The following GNB5 variants were observed in gnomAD, a reference collection of about 807,000 sequenced individuals.
The protein encoded by GNB5 is guanine nucleotide-binding protein subunit beta-5.
A neutral mutation model predicts 55.3 loss-of-function variants in GNB5; 37 were observed. The ratio of observed to expected loss-of-function variants is 0.67; its 90% confidence interval spans 0.51 to 0.88. The LOEUF is 0.88. GNB5 is among the 40% of genes least tolerant of loss of function. GNB5 has a pLI of 0.00. For synonymous variants in GNB5, 219 were observed against 198.5 expected (o/e 1.10, Z -0.87); for missense variants, 476 against 515.3 (o/e 0.92, Z 0.74).
chr15:52,164,962 T>C (rs186789008), intron 3 of GNB5, among the ~76,000 whole-genome samples: 32 of 152,270 alleles, frequency 2.1e-4, no homozygotes, highest in Admixed American at 4.6e-4. Flanking sequence ...CTAAGAATCA[T>C]GATAAAACAT....
chr15:52,124,358 G>C lies in GNB5; in HGVS notation c.1176+115C>G. 12 of 778,180 alleles carry C rather than the reference G, an allele frequency of 1.5e-5. No individual in the cohort carries two copies. The South Asian group carries it at 1.9e-4, about 13-fold the overall frequency. 48.2% of individuals were successfully genotyped at this position (778,180 alleles called of 1,614,324 possible). ...GGCAGAGTGGAAATGAGAGCTCGGC[G>C]AGGCTGACCAGGCCCACCTGAGCTT... is the stretch of plus-strand genomic sequence containing the variant. On this transcript the variant is annotated intron_variant, in intron 12 of 12. Transcript: ENST00000261837.
chr15:52,138,040 A>G (rs1304617404), intron 7 of GNB5: 1 of 959,136 alleles, frequency 1.0e-6, no homozygotes, highest in South Asian at 1.3e-5. Context: ...TGCTGATGGG[A>G]TCTCTCCTCC....
At chr15:52,182,321 ATCACC>A (rs2034783402) in intron 2 of GNB5, among the ~76,000 whole-genome samples, 1 of 152,138 alleles carries the variant, frequency 6.6e-6, no homozygotes, top group South Asian at 2.1e-4. Context: ...GCCTCATCTC[ATCACC>A]TCCTTAGGCT....
intron 10 of GNB5, among the ~76,000 whole-genome samples, chr15:52,126,391 G>A (rs548795424): frequency 2.6e-5 from 4 of 152,260 alleles, no homozygotes; most frequent in Non-Finnish European, 5.9e-5. Flanking sequence ...TAAACAGAAG[G>A]AAATGAAGGT....
chr15:52,169,186 G>T (rs925851137), intron 3 of GNB5, among the ~76,000 whole-genome samples: 6 of 149,264 alleles, frequency 4.0e-5, no homozygotes, highest in Admixed American at 4.0e-4. Flanking sequence ...TAGGTGTGGT[G>T]GCGTATGCTT....
intron 3 of GNB5, among the ~76,000 whole-genome samples, chr15:52,177,357 G>A (rs2034672911): frequency 3.3e-5 from 5 of 151,364 alleles, no homozygotes; most frequent in Admixed American, 2.6e-4. Context: ...TAAAAATAAA[G>A]ATGAATAAAG....
chr15:52,189,979 CG>C (rs2034896267), intron 1 of GNB5, among the ~76,000 whole-genome samples: 1 of 151,892 alleles, frequency 6.6e-6, no homozygotes, highest in African/African-American at 2.4e-5. Context: ...ATTTCTTTTT[CG>C]GGGTGATGAA....
chr15:52,133,166 G>C (rs1389321969), intron 9 of GNB5, among the ~76,000 whole-genome samples: 2 of 152,040 alleles, frequency 1.3e-5, no homozygotes, highest in African/African-American at 4.8e-5. Flanking sequence ...ATTCAACTTA[G>C]GGAGGATATT....
intron 9 of GNB5, among the ~76,000 whole-genome samples, chr15:52,132,735 C>A (rs1451945321): frequency 1.3e-5 from 2 of 151,374 alleles, no homozygotes; most frequent in South Asian, 2.1e-4. Flanking sequence ...AGCTTCCCAA[C>A]AGAGCGATCT....
chr15:52,140,073 G>C (rs76726496), intron 7 of GNB5: 2 of 707,616 alleles, frequency 2.8e-6, no homozygotes, highest in Non-Finnish European at 3.8e-6. Context: ...AATAATAGGT[G>C]TAAACAACAG....
In GNB5 at chr15:52,132,493, T is replaced by G. The variant is rs1044014176; in HGVS notation, c.863+885A>C. The stretch of plus-strand genomic sequence containing the variant: ...GATCTTTTTTGTTTGTTTGGGTTTT[T>G]TTTTTTTTTTTTGAGACACGGTCTT... On this transcript the variant is annotated intron_variant, in intron 9 of 12. Transcript: ENST00000261837. Among the ~76,000 whole-genome samples the G allele has an allele frequency of 2.6e-5, 4 of 151,360 alleles. No individual in the cohort carries two copies. The East Asian group carries it at 5.8e-4, about 22-fold the overall frequency.
intron 7 of GNB5, 104 bp from the exon 8 acceptor site, chr15:52,135,860 C>A: frequency 1.6e-6 from 1 of 640,350 alleles, no homozygotes; most frequent in Non-Finnish European, 2.7e-6. Context: ...AGAACACACA[C>A]ACACACACAC....
At chr15:52,143,734 A>G (rs1476580026) in intron 6 of GNB5, 1 of 152,212 alleles carries the variant, frequency 6.6e-6, no homozygotes, top group African/African-American at 2.4e-5. Context: ...TCTATTACAG[A>G]TAACAGAGTC....
rs2033370765 is a variant in GNB5 at position 52,124,573 on chromosome 15, C to G, written c.1076G>C (p.Arg359Pro). The change falls in exon 12 of 13, where the codon CGG (arginine) becomes CCG (proline). Residue 359 changes from arginine to proline, a missense_variant. By Grantham distance (103) the Arg-to-Pro change is moderately radical (BLOSUM62 -2). Transcript: ENST00000261837. The stretch of plus-strand genomic sequence containing the variant: ...TTCATGTCCAAACAGGATGGAGACC[C>G]GGGACCCTTTGAGAACATCCCAGAC... ...INVWDVLKGS[R>P]VSILFGHENR... 6.2e-7 allele frequency: 1 copy of G among 1,613,728 alleles called. No homozygotes were observed. The highest frequency in any genetic ancestry group is 8.5e-7 in the Non-Finnish European group (1 of 1,179,628).
rs1442693272 is a variant in GNB5, at chr15:52,115,620, G to A, written c.*7137C>T. The A allele has an allele frequency of 6.6e-6, 1 of 152,172 alleles. No individual in the cohort carries two copies. Among genetic ancestry groups the A allele is most frequent in the Non-Finnish European group, 1.5e-5 (1 of 68,028 alleles). The allele number at this position is 152,172 out of a possible 1,614,324, so 9.4% of individuals were successfully genotyped here. On this transcript the variant is annotated 3_prime_UTR_variant, in exon 13 of 13. Coordinates refer to ENST00000261837, the MANE Select transcript of GNB5 (RefSeq NM_016194.4). Reference sequence around the variant, plus strand: ...GCCAAAACCAAAATGTGACAATATTGGTCTTACCTATGTGGTTTCTGTTTT... The same window carrying A: ...GCCAAAACCAAAATGTGACAATATTAGTCTTACCTATGTGGTTTCTGTTTT...
At position 52,120,029 on chromosome 15, in the gene GNB5, G is replaced by A. The variant is rs542129695; in HGVS notation, c.*2728C>T. 8 of 152,320 alleles carry A rather than the reference G, an allele frequency of 5.3e-5. No homozygotes were observed. Among genetic ancestry groups the A allele is most frequent in the East Asian group, 3.9e-4 (2 of 5,182 alleles). The allele number at this position is 152,320 out of a possible 1,614,324, so 9.4% of individuals were successfully genotyped here. On this transcript the variant is annotated 3_prime_UTR_variant, in exon 13 of 13. Coordinates refer to ENST00000261837, the MANE Select transcript of GNB5 (RefSeq NM_016194.4). ...GGGCCCCACCGGTGAGAGGCTGACC[G>A]CGCATTCTAAAGCACTGGACTTGGC...
chr15:52,138,055 C>T, intron 7 of GNB5: 1 of 774,104 alleles, frequency 1.3e-6, no homozygotes, highest in South Asian at 1.4e-5. Context: ...TCCTCCTCAC[C>T]CTTTGCCCCC....
rs964405500 is a variant in GNB5 at position 52,148,197 on chromosome 15, T to C, written c.418-662A>G. On this transcript the variant is annotated intron_variant, in intron 5 of 12. Transcript: ENST00000261837. ...GATATATACTTTTCCTTATTTACTC[T>C]GATTTCCATTTTCAAAATATACTCT... 2.6e-5 allele frequency among the ~76,000 whole-genome samples: 4 copies of C among 152,342 alleles called. No homozygotes were observed. The South Asian group carries it at 8.3e-4, about 32-fold the overall frequency.
chr15:52,126,084 T>G (rs2033419481), intron 10 of GNB5, 40 bp from the exon 11 acceptor site: 3 of 995,718 alleles, frequency 3.0e-6, no homozygotes, highest in Non-Finnish European at 4.7e-6. Context: ...ACTTCTGGCT[T>G]CAGTTTGGTG....
Sources: gnomAD v4.1 joint callset for allele counts (sites outside exome capture counted in the v4.1 genomes callset) on GRCh38, gnomAD v4.1.1 for gene constraint, MANE v1.5 for transcripts, NCBI Gene and HGNC (gene_info 2026-07-23, HGNC 2026-07-21) for gene names.